Variants in CNTNAP2 observed in about 807,000 individuals in gnomAD.
CNTNAP2 encodes contactin-associated protein-like 2.
In CNTNAP2, 98 loss-of-function variants were observed where a neutral mutation model predicts 155.2. That is an observed-to-expected ratio of 0.63 (90% CI 0.54 to 0.75). The LOEUF is 0.75. Among genes scored for constraint, CNTNAP2 ranks in the 30% least tolerant of loss-of-function variants. The probability of loss-of-function intolerance (pLI) is 0.00; values close to 1 mark genes in which losing one functional copy is unlikely to be tolerated. For missense variants in CNTNAP2, 1,727 were observed against 1,688.1 expected, an observed-to-expected ratio of 1.02 and a Z score of -0.40; for synonymous variants, 651 against 631.2, an observed-to-expected ratio of 1.03 and a Z score of -0.47.
intron 16 of CNTNAP2, among the ~76,000 whole-genome samples, chr7:148,127,908 C>T (rs954066740): frequency 3.9e-5 from 6 of 152,138 alleles, no homozygotes; most frequent in African/African-American, 1.2e-4. Context: ...GCCTCTCTGT[C>T]GCCCAGCCTG....
intron 15 of CNTNAP2, among the ~76,000 whole-genome samples, chr7:148,011,665 G>T (rs537390000): frequency 2.0e-5 from 3 of 152,274 alleles, no homozygotes; most frequent in Non-Finnish European, 2.9e-5. Flanking sequence ...GCTTATACAC[G>T]TGCTTTGATA....
At chr7:148,266,929 A>G (rs1796681349) in intron 20 of CNTNAP2, 104 bp from the exon 21 acceptor site, 2 of 1,051,890 alleles carry the variant, frequency 1.9e-6, no homozygotes, top group Admixed American at 3.4e-5. Flanking sequence ...ATAAGATATC[A>G]GAAAACCAGG....
At position 147,128,705 on chromosome 7, in the gene CNTNAP2, G is replaced by A; in HGVS notation, c.952G>A (p.Gly318Ser). Residue 318 changes from glycine (G) to serine (S), a missense_variant, in exon 7 of 24, where the codon GGC becomes AGC. Transcript: ENST00000361727. ...LDLDYEITFG[G>S]IPFSGKPSSS... is the part of the protein sequence containing the mutation. ...CTTTTTCTCAAAGATAACCTTTGGA[G>A]GCATCCCTTTCTCTGGCAAGCCCAG... 6.2e-7 allele frequency: 1 copy of A among 1,613,922 alleles called. No individual in the cohort carries two copies. The highest frequency in any genetic ancestry group is 8.5e-7 in the Non-Finnish European group (1 of 1,179,924).
At chr7:148,403,378 C>T (rs1299894668) in intron 22 of CNTNAP2, among the ~76,000 whole-genome samples, 3 of 152,048 alleles carry the variant, frequency 2.0e-5, no homozygotes, top group African/African-American at 7.3e-5. Context: ...TGGAATGGCA[C>T]CATGCTTTGG....
chr7:146,410,699 C>T (rs1214188143), intron 1 of CNTNAP2, among the ~76,000 whole-genome samples: 1 of 152,074 alleles, frequency 6.6e-6, no homozygotes, highest in African/African-American at 2.4e-5. Flanking sequence ...TTCTATGTGC[C>T]CATGTATTCT....
intron 15 of CNTNAP2, among the ~76,000 whole-genome samples, chr7:148,075,619 GCAA>G (rs1181685686): frequency 2.0e-5 from 3 of 152,106 alleles, no homozygotes; most frequent in African/African-American, 4.8e-5. Flanking sequence ...TGGAGCCTCA[GCAA>G]CAACAACAAA....
intron 13 of CNTNAP2, among the ~76,000 whole-genome samples, chr7:147,808,395 C>T (rs1416727878): frequency 3.3e-5 from 5 of 152,278 alleles, no homozygotes; most frequent in Admixed American, 2.6e-4. Flanking sequence ...AAAGGGATTG[C>T]TGGTGGCTAT....
chr7:147,701,025 T>A (rs560339909), intron 13 of CNTNAP2, among the ~76,000 whole-genome samples: 5 of 152,178 alleles, frequency 3.3e-5, no homozygotes, highest in South Asian at 2.1e-4. Context: ...CCACGGATGC[T>A]CATTTAATTT....
chr7:147,439,586 T>C (rs1389081641), intron 10 of CNTNAP2, among the ~76,000 whole-genome samples: 2 of 152,058 alleles, frequency 1.3e-5, no homozygotes, highest in African/African-American at 4.8e-5. Context: ...TGTAAATATT[T>C]ATTAGATCCA....
At chr7:146,254,476 G>A (rs1799807447) in intron 1 of CNTNAP2, among the ~76,000 whole-genome samples, 1 of 152,166 alleles carries the variant, frequency 6.6e-6, no homozygotes, top group Non-Finnish European at 1.5e-5. Context: ...ATGAAAACAG[G>A]AAGTAAGACA....
intron 8 of CNTNAP2, among the ~76,000 whole-genome samples, chr7:147,251,197 C>T (rs1584820279): frequency 6.6e-6 from 1 of 152,120 alleles, no homozygotes; most frequent in East Asian, 1.9e-4. Context: ...TTGGAAACTG[C>T]TGTCTTAGCA....
chr7:147,429,568 A>C (rs894373382), intron 10 of CNTNAP2, among the ~76,000 whole-genome samples: 1 of 151,898 alleles, frequency 6.6e-6, no homozygotes, highest in Non-Finnish European at 1.5e-5. Context: ...TTTTTAGTTT[A>C]ATTAGATCCC....
At chr7:147,307,611 C>T (rs147691897) in intron 9 of CNTNAP2, among the ~76,000 whole-genome samples, 1 of 152,070 alleles carries the variant, frequency 6.6e-6, no homozygotes, top group African/African-American at 2.4e-5. Context: ...AAAGGAAATG[C>T]CATCAATTAA....
At chr7:147,588,492 C>A (rs181195584) in intron 12 of CNTNAP2, among the ~76,000 whole-genome samples, 11 of 152,190 alleles carry the variant, frequency 7.2e-5, no homozygotes, top group African/African-American at 2.6e-4. Context: ...AGCTATAGTA[C>A]CCTGAATATT....
intron 3 of CNTNAP2, among the ~76,000 whole-genome samples, chr7:146,992,591 G>C (rs1798229385): frequency 6.6e-6 from 1 of 152,040 alleles, no homozygotes; most frequent in African/African-American, 2.4e-5. Flanking sequence ...CCCTGCAAAT[G>C]GAAAGAACTT....
At chr7:146,294,559 T>C (rs1261380400) in intron 1 of CNTNAP2, among the ~76,000 whole-genome samples, 1 of 152,244 alleles carries the variant, frequency 6.6e-6, no homozygotes, top group Non-Finnish European at 1.5e-5. Flanking sequence ...CTGTGTTTAG[T>C]TTTCTCACAA....
chr7:148,044,694 C>T (rs1391417053), intron 15 of CNTNAP2: 1 of 152,310 alleles, frequency 6.6e-6, no homozygotes, highest in Non-Finnish European at 1.5e-5. Flanking sequence ...GCTTCCCAGC[C>T]TCCAGAACTG....
rs149040983 is a variant in CNTNAP2, at chr7:148,192,054, T to C, written c.3010+19576T>C. On this transcript the variant is annotated intron_variant, in intron 18 of 23. Coordinates refer to ENST00000361727, the MANE Select transcript of CNTNAP2 (RefSeq NM_014141.6). ...CAAAAATAAGATGGCTTCTGAGGAG[T>C]GGGAAGTGGGGAGGTGGAGTGGAGA... Among the ~76,000 whole-genome samples the C allele has an allele frequency of 5.1e-3, 783 of 152,096 alleles. 3 individuals carry two copies. The highest frequency in any genetic ancestry group is 0.018 in the African/African-American group (744 of 41,480).
chr7:147,410,116 G>A (rs1426325669), intron 10 of CNTNAP2, among the ~76,000 whole-genome samples: 2 of 152,186 alleles, frequency 1.3e-5, no homozygotes, highest in African/African-American at 4.8e-5. Context: ...ATTCATTGCA[G>A]CCCTATTCAC....
Sources: gnomAD v4.1 joint callset for allele counts (sites outside exome capture counted in the v4.1 genomes callset) on GRCh38, gnomAD v4.1.1 for gene constraint, MANE v1.5 for transcripts, NCBI Gene and HGNC (gene_info 2026-07-23, HGNC 2026-07-21) for gene names.